PPM1K: variants seen among roughly 807,000 people sequenced by gnomAD.
PPM1K encodes the protein protein phosphatase, Mg2+/Mn2+ dependent 1K.
In PPM1K, 19 loss-of-function variants were observed where a neutral mutation model predicts 32.6. That is an observed-to-expected ratio of 0.58 (90% CI 0.41 to 0.86). The LOEUF (loss-of-function observed/expected upper bound fraction) is 0.86. Among genes scored for constraint, PPM1K ranks in the 40% least tolerant of loss-of-function variants. The probability of loss-of-function intolerance (pLI) is 0.00; values close to 1 mark genes in which losing one functional copy is unlikely to be tolerated. For synonymous variants in PPM1K, 159 were observed against 165.3 expected, an observed-to-expected ratio of 0.96 and a Z score of 0.29; for missense variants, 362 against 461.2, an observed-to-expected ratio of 0.78 and a Z score of 1.97.
chr4:88,274,827 A>G lies in PPM1K; in HGVS notation c.541+2316T>C, dbSNP rs184491529. 241 of 176,146 alleles carry G rather than the reference A, an allele frequency of 1.4e-3. 3 individuals carry two copies. In the East Asian group the frequency reaches 0.024, roughly 17 times the overall value. The allele number at this position is 176,146 out of a possible 1,614,324, so 10.9% of individuals were successfully genotyped here. A position where few individuals can be genotyped will look rare whatever the true frequency, so the allele number is the denominator to read the frequency against. ...TAAAATAGGCCCTAAATATCAAGAC[A>G]ATTTTTGCCATCTTTGAAGGCTCTG... On this transcript the variant is annotated intron_variant, in intron 3 of 6. Transcript: ENST00000608933.
intron 1 of PPM1K, among the ~76,000 whole-genome samples, chr4:88,281,663 G>A (rs185991678): frequency 1.6e-3 from 238 of 152,252 alleles, no homozygotes; most frequent in Admixed American, 4.6e-3. Context: ...AAACAGGTCG[G>A]CATCGCTTAG....
At chr4:88,281,690 G>C (rs774965049) in intron 1 of PPM1K, among the ~76,000 whole-genome samples, 21 of 152,110 alleles carry the variant, frequency 1.4e-4, no homozygotes, top group Non-Finnish European at 3.1e-4. Context: ...GAGATGTTAC[G>C]AACTGGCTCC....
In PPM1K at chr4:88,277,892, A is replaced by G. The variant is rs944991965; in HGVS notation, c.440+252T>C. 1.3e-5 allele frequency: 7 copies of G among 538,980 alleles called. No individual in the cohort carries two copies. The African/African-American group carries it at 1.3e-4, about 10-fold the overall frequency. 33.4% of individuals were successfully genotyped at this position (538,980 alleles called of 1,614,324 possible). On this transcript the variant is annotated intron_variant, in intron 2 of 6. Transcript: ENST00000608933. ...TCATGTACATTATGCCACTTCACTT[A>G]AAATGATCACAAATTAAGTGCTATA... is the stretch of plus-strand genomic sequence containing the variant.
chr4:88,265,914 G>C (rs1176975038), intron 5 of PPM1K, among the ~76,000 whole-genome samples: 3 of 152,216 alleles, frequency 2.0e-5, no homozygotes, highest in Non-Finnish European at 4.4e-5. Flanking sequence ...CTGTCTCTAA[G>C]AGCAGGCTTC....
chr4:88,275,807 CTTCATG>C (rs983682352), intron 3 of PPM1K: 2 of 985,212 alleles, frequency 2.0e-6, no homozygotes, highest in Non-Finnish European at 2.4e-6. Context: ...TCCTCTTTTC[CTTCATG>C]TGTTTTAACT....
chr4:88,267,695 G>A (rs1452760122), intron 5 of PPM1K, among the ~76,000 whole-genome samples: 1 of 152,218 alleles, frequency 6.6e-6, no homozygotes, highest in Non-Finnish European at 1.5e-5. Flanking sequence ...GCAGGCACCA[G>A]AGAAATCTGG....
At chr4:88,275,434 T>C in intron 3 of PPM1K, 1 of 984,986 alleles carries the variant, frequency 1.0e-6, no homozygotes, top group South Asian at 4.7e-5. Context: ...AAAATTCTGT[T>C]GAGTTATACT....
At chr4:88,272,080 CT>C (rs1024933561) in intron 3 of PPM1K, among the ~76,000 whole-genome samples, 6 of 152,114 alleles carry the variant, frequency 3.9e-5, no homozygotes, top group African/African-American at 1.4e-4. Context: ...ATAATGACCC[CT>C]AGTAATTACT....
chr4:88,283,747 A>T (rs116511888), intron 1 of PPM1K: 2,768 of 152,550 alleles, frequency 0.018, 36 homozygotes, highest in East Asian at 0.032. Flanking sequence ...TGCATCCTTC[A>T]CGATGCCGGA....
chr4:88,267,852 C>A (rs1393226797), intron 5 of PPM1K, among the ~76,000 whole-genome samples: 2 of 152,220 alleles, frequency 1.3e-5, no homozygotes, highest in East Asian at 3.8e-4. Context: ...AAGAGAAATA[C>A]TTTTAACTGA....
At chr4:88,273,895 G>A (rs532848536) in intron 3 of PPM1K, among the ~76,000 whole-genome samples, 5 of 152,264 alleles carry the variant, frequency 3.3e-5, no homozygotes, top group African/African-American at 1.2e-4. Context: ...AGTTTTTCGT[G>A]TGCTATGCAA....
At chr4:88,277,692 A>G (rs1415712014) in intron 2 of PPM1K, 3 of 195,560 alleles carry the variant, frequency 1.5e-5, no homozygotes, top group Non-Finnish European at 3.1e-5. Context: ...TAAACGGAAG[A>G]GCTCCAAAAT....
chr4:88,270,714 A>C (rs1422394692), intron 3 of PPM1K, among the ~76,000 whole-genome samples: 2 of 152,252 alleles, frequency 1.3e-5, no homozygotes, highest in South Asian at 2.1e-4. Context: ...AAATTTCATA[A>C]GTAGAAGTTT....
intron 3 of PPM1K, among the ~76,000 whole-genome samples, chr4:88,270,771 A>G (rs944152924): frequency 3.0e-4 from 45 of 152,352 alleles, no homozygotes; most frequent in East Asian, 5.8e-4. Context: ...AGGAATTTTA[A>G]GACTTTGAGT....
chr4:88,265,920 G>C (rs888565595), intron 5 of PPM1K, among the ~76,000 whole-genome samples: 2 of 152,202 alleles, frequency 1.3e-5, no homozygotes, highest in African/African-American at 4.8e-5. Flanking sequence ...CTAAGAGCAG[G>C]CTTCTAGGAT....
chr4:88,277,393 T>G, intron 2 of PPM1K, 150 bp from the exon 3 acceptor site: 1 of 604,842 alleles, frequency 1.7e-6, no homozygotes, highest in South Asian at 2.1e-5. Context: ...GAATACCTAT[T>G]GAGAATCCAC....
chr4:88,276,120 A>C (rs886977052), intron 3 of PPM1K: 1 of 985,250 alleles, frequency 1.0e-6, no homozygotes, highest in East Asian at 1.1e-4. Context: ...AAGAGAGATA[A>C]TGCTGGTGGT....
chr4:88,274,024 T>C (rs1731668273), intron 3 of PPM1K, among the ~76,000 whole-genome samples: 1 of 152,346 alleles, frequency 6.6e-6, no homozygotes, highest in South Asian at 2.1e-4. Flanking sequence ...TTGGGACCCC[T>C]CTTTTTGCAG....
At chr4:88,270,780 GT>G (rs1488145421) in intron 3 of PPM1K, among the ~76,000 whole-genome samples, 1 of 152,180 alleles carries the variant, frequency 6.6e-6, no homozygotes, top group East Asian at 1.9e-4. Flanking sequence ...AAGACTTTGA[GT>G]TTTTACCAAC....
Sources: allele counts gnomAD v4.1 joint callset (sites outside exome capture counted in the v4.1 genomes callset), GRCh38; gene constraint gnomAD v4.1.1; transcripts MANE v1.5; gene names NCBI Gene and HGNC (gene_info 2026-07-23, HGNC 2026-07-21).